Variants in CNTN4 observed in about 807,000 individuals in gnomAD.
CNTN4 encodes contactin-4.
Under a neutral mutation model 122.5 loss-of-function variants are expected in CNTN4, and 77 were observed. The observed-to-expected ratio is 0.63, with a 90% CI of 0.52 to 0.76. CNTN4 has a LOEUF of 0.76. Among genes scored for constraint, CNTN4 ranks in the 30% least tolerant of loss-of-function variants. The pLI is 0.00. For missense variants in CNTN4, 1,256 were observed against 1,259.1 expected (o/e 1.00, Z 0.04); for synonymous variants, 512 against 447.0 (o/e 1.15, Z -1.83).
chr3:2,728,895 A>G (rs1046646395), intron 4 of CNTN4, among the ~76,000 whole-genome samples: 1 of 152,158 alleles, frequency 6.6e-6, no homozygotes, highest in African/African-American at 2.4e-5. Flanking sequence ...ATTTGATGTC[A>G]TGGGAAGATT....
At chr3:2,376,810 A>G (rs17013472) in intron 3 of CNTN4, among the ~76,000 whole-genome samples, 10,979 of 152,200 alleles carry the variant, frequency 0.072, 952 homozygotes, top group East Asian at 0.5. Context: ...TTATCTGTCA[A>G]TGCTCAGTTC....
At chr3:2,109,174 A>T (rs1338336807) in intron 2 of CNTN4, among the ~76,000 whole-genome samples, 1 of 152,212 alleles carries the variant, frequency 6.6e-6, no homozygotes, top group African/African-American at 2.4e-5. Context: ...TAGTTCGGAA[A>T]GAGAAAATAT....
At chr3:2,311,028 A>G (rs2150138362) in intron 2 of CNTN4, among the ~76,000 whole-genome samples, 1 of 152,256 alleles carries the variant, frequency 6.6e-6, no homozygotes, top group Non-Finnish European at 1.5e-5. Flanking sequence ...AATGAAAAAT[A>G]ACAGCTAAGG....
chr3:2,298,448 C>G (rs2042389043), intron 2 of CNTN4, among the ~76,000 whole-genome samples: 1 of 151,974 alleles, frequency 6.6e-6, no homozygotes, highest in South Asian at 2.1e-4. Flanking sequence ...AAATAGTTTC[C>G]CAATTGCATT....
chr3:2,966,919 G>C (rs983209391), intron 13 of CNTN4, among the ~76,000 whole-genome samples: 1 of 152,170 alleles, frequency 6.6e-6, no homozygotes, highest in African/African-American at 2.4e-5. Flanking sequence ...TTTAAAGCCA[G>C]AAGACACTAA....
chr3:2,922,430 C>A (rs2094437640), intron 12 of CNTN4, among the ~76,000 whole-genome samples: 1 of 151,846 alleles, frequency 6.6e-6, no homozygotes, highest in Non-Finnish European at 1.5e-5. Flanking sequence ...AAAAGATGCT[C>A]ACAAAATGGG....
intron 3 of CNTN4, among the ~76,000 whole-genome samples, chr3:2,369,266 C>T (rs1295275348): frequency 6.6e-6 from 1 of 152,118 alleles, no homozygotes; most frequent in African/African-American, 2.4e-5. Flanking sequence ...AGGCATTGTC[C>T]CTGTTTTTGA....
chr3:2,487,962 A>G (rs2076209584), intron 3 of CNTN4, among the ~76,000 whole-genome samples: 1 of 152,258 alleles, frequency 6.6e-6, no homozygotes, highest in Non-Finnish European at 1.5e-5. Context: ...ATAAAGAGCC[A>G]ACTTAGCAAA....
At chr3:2,694,372 A>T (rs1049229787) in intron 4 of CNTN4, among the ~76,000 whole-genome samples, 1 of 152,210 alleles carries the variant, frequency 6.6e-6, no homozygotes, top group Non-Finnish European at 1.5e-5. Context: ...GTACTTATAG[A>T]TCTAGAGTTT....
rs568974444 is a variant in CNTN4, at chr3:2,477,667, T to C, written c.-88-93749T>C. Among the ~76,000 whole-genome samples, 14 of 152,294 alleles carry C rather than the reference T, an allele frequency of 9.2e-5. No homozygotes were observed. The South Asian group carries it at 2.9e-3, about 32-fold the overall frequency. On this transcript the variant is annotated intron_variant, in intron 3 of 24. Coordinates refer to ENST00000418658, the MANE Select transcript of CNTN4 (RefSeq NM_175607.3). The stretch of plus-strand genomic sequence containing the variant: ...TTCTTGAAATCTAGCAAAGTGAAAA[T>C]TCAAAAGCAAAGAAGTACATAGTCT...
At chr3:2,734,972 C>T (rs1474796768) in intron 4 of CNTN4, among the ~76,000 whole-genome samples, 1 of 152,050 alleles carries the variant, frequency 6.6e-6, no homozygotes, top group African/African-American at 2.4e-5. Flanking sequence ...TAATTGAATA[C>T]ATTAAAAATT....
At chr3:2,485,143 C>G (rs538418129) in intron 3 of CNTN4, among the ~76,000 whole-genome samples, 2 of 152,224 alleles carry the variant, frequency 1.3e-5, no homozygotes, top group African/African-American at 4.8e-5. Context: ...GCTGCCTCCC[C>G]GTGGGGCAGG....
chr3:2,566,010 A>G, intron 3 of CNTN4, among the ~76,000 whole-genome samples: 1 of 152,218 alleles, frequency 6.6e-6, no homozygotes, highest in East Asian at 1.9e-4. Context: ...GCTATCACAA[A>G]AGACTTCTGA....
intron 3 of CNTN4, among the ~76,000 whole-genome samples, chr3:2,504,537 T>G (rs2076681773): frequency 6.6e-6 from 1 of 152,148 alleles, no homozygotes; most frequent in Admixed American, 6.6e-5. Flanking sequence ...TACGGGTATT[T>G]TCTAACCATT....
At chr3:2,553,250 C>A (rs1428960921) in intron 3 of CNTN4, among the ~76,000 whole-genome samples, 3 of 152,138 alleles carry the variant, frequency 2.0e-5, no homozygotes, top group Non-Finnish European at 4.4e-5. Flanking sequence ...CTGAAACCTC[C>A]CATGAGAATG....
chr3:2,796,025 G>T (rs2092166429), intron 6 of CNTN4, among the ~76,000 whole-genome samples: 1 of 152,124 alleles, frequency 6.6e-6, no homozygotes, highest in African/African-American at 2.4e-5. Flanking sequence ...CTGGAGAAAA[G>T]AACAGGATTT....
intron 4 of CNTN4, among the ~76,000 whole-genome samples, chr3:2,656,345 A>C (rs976390169): frequency 2.6e-5 from 4 of 152,236 alleles, no homozygotes; most frequent in African/African-American, 9.6e-5. Context: ...GCCCATGCAA[A>C]AAGCAGTTAT....
intron 4 of CNTN4, among the ~76,000 whole-genome samples, chr3:2,627,772 C>G (rs553372115): frequency 6.6e-6 from 1 of 152,106 alleles, no homozygotes; most frequent in South Asian, 2.1e-4. Context: ...GGATTACAGG[C>G]GTGAGCCACC....
chr3:2,180,403 A>G (rs1279738013), intron 2 of CNTN4, among the ~76,000 whole-genome samples: 4 of 152,048 alleles, frequency 2.6e-5, no homozygotes, highest in Non-Finnish European at 5.9e-5. Context: ...GAATAGTAGA[A>G]CTGGGATTCA....
Sources: allele counts gnomAD v4.1 joint callset (sites outside exome capture counted in the v4.1 genomes callset), GRCh38; gene constraint gnomAD v4.1.1; transcripts MANE v1.5; gene names NCBI Gene and HGNC (gene_info 2026-07-23, HGNC 2026-07-21).